AMN1: variants seen among roughly 807,000 people sequenced by gnomAD.
AMN1 encodes the protein protein AMN1 homolog.
A neutral mutation model predicts 33.0 loss-of-function variants in AMN1; 20 were observed. The ratio of observed to expected loss-of-function variants is 0.61; its 90% confidence interval spans 0.43 to 0.88. AMN1 has a LOEUF of 0.88. Among genes scored for constraint, AMN1 ranks in the 40% least tolerant of loss-of-function variants. The pLI, the probability that AMN1 is intolerant of heterozygous loss-of-function variation, is 0.00. For synonymous variants in AMN1, 114 were observed against 111.9 expected (o/e 1.02, Z -0.12); for missense variants, 246 against 307.4 (o/e 0.80, Z 1.49).
chr12:31,679,701 TTTGAATACTGTCAAACA>T (rs1381143845), intron 6 of AMN1, among the ~76,000 whole-genome samples: 1 of 152,218 alleles, frequency 6.6e-6, no homozygotes, highest in African/African-American at 2.4e-5. Flanking sequence ...CCTCCATGTC[TTTGAATACTGTCAAACA>T]TGCTTAGATA....
intron 3 of AMN1, among the ~76,000 whole-genome samples, chr12:31,698,980 G>A (rs1938859033): frequency 6.6e-6 from 1 of 152,050 alleles, no homozygotes; most frequent in Non-Finnish European, 1.5e-5. Context: ...TAAGGTTGGG[G>A]CCTGTCTCCA....
intron 6 of AMN1, chr12:31,672,721 C>A: frequency 5.5e-6 from 1 of 181,918 alleles, no homozygotes; most frequent in South Asian, 1.2e-4. Flanking sequence ...GGATCTTAGC[C>A]GGAAATAGAT....
chr12:31,725,618 T>C (rs1940032348), intron 1 of AMN1, among the ~76,000 whole-genome samples: 1 of 152,232 alleles, frequency 6.6e-6, no homozygotes. Flanking sequence ...AACTTAACCA[T>C]GGCTTCCTAT....
chr12:31,695,725 G>T (rs1938695312), intron 5 of AMN1, among the ~76,000 whole-genome samples: 2 of 151,566 alleles, frequency 1.3e-5, no homozygotes, highest in South Asian at 4.2e-4. Flanking sequence ...GGCCTCAGGT[G>T]ATCCACCTGT....
At chr12:31,688,912 G>T in intron 6 of AMN1, 95 bp downstream of exon 6, 1 of 690,960 alleles carries the variant, frequency 1.4e-6, no homozygotes, top group Admixed American at 3.0e-5. Flanking sequence ...TACAGATGAG[G>T]AAACTGAATA....
intron 6 of AMN1, among the ~76,000 whole-genome samples, chr12:31,675,632 T>C (rs543292277): frequency 6.6e-6 from 1 of 151,434 alleles, no homozygotes. Flanking sequence ...GTAGCTGGGA[T>C]TACAGGCGCC....
intron 2 of AMN1, 76 bp from the exon 3 acceptor site, chr12:31,702,083 G>T: frequency 7.5e-7 from 1 of 1,337,040 alleles, no homozygotes; most frequent in Non-Finnish European, 1.0e-6. Flanking sequence ...TCAGTGTTTT[G>T]GTGGTCATAA....
chr12:31,698,706 G>GAAT (rs1938845558), intron 3 of AMN1, among the ~76,000 whole-genome samples: 2 of 151,866 alleles, frequency 1.3e-5, no homozygotes, highest in African/African-American at 4.8e-5. Context: ...TCATGGGTAG[G>GAAT]TCATTTTTAC....
At chr12:31,703,333 G>C (rs1429354638) in intron 2 of AMN1, among the ~76,000 whole-genome samples, 1 of 152,200 alleles carries the variant, frequency 6.6e-6, no homozygotes, top group East Asian at 1.9e-4. Flanking sequence ...GGGTACATGT[G>C]CAGGTTAGTT....
chr12:31,678,767 G>C (rs7957209), intron 6 of AMN1, among the ~76,000 whole-genome samples: 2 of 152,208 alleles, frequency 1.3e-5, no homozygotes, highest in African/African-American at 2.4e-5. Flanking sequence ...GACATTTTTA[G>C]AGAACACACA....
intron 5 of AMN1, among the ~76,000 whole-genome samples, chr12:31,695,841 C>T (rs1938700150): frequency 6.6e-6 from 1 of 151,986 alleles, no homozygotes; most frequent in African/African-American, 2.4e-5. Context: ...TACCAAGACC[C>T]AGATATATAA....
Position 31,701,997 on chromosome 12 carries a change from G to A in AMN1, c.182C>T (p.Pro61Leu), listed in dbSNP as rs536067868. 13 of 1,594,958 alleles carry A rather than the reference G, an allele frequency of 8.2e-6. No individual in the cohort carries two copies. The highest frequency in any genetic ancestry group is 2.7e-5 in the African/African-American group (2 of 73,890). ...TDSNISEILH[P>L]EVQTLDLRSC... ...CCGTAGATCTAGAGTTTGGACTTCA[G>A]GATGTAAAATCTATAACAAATAAGT... Residue 61 changes from proline to leucine, a missense_variant, in exon 3 of 7, where the codon CCT becomes CTT. Transcript: ENST00000281471.
intron 1 of AMN1, among the ~76,000 whole-genome samples, chr12:31,720,921 TA>T (rs1030315320): frequency 6.6e-6 from 1 of 152,228 alleles, no homozygotes; most frequent in Non-Finnish European, 1.5e-5. Flanking sequence ...CAACTGGGTA[TA>T]GACTTAGAAG....
chr12:31,724,861 T>C lies in AMN1; in HGVS notation c.38+4110A>G, dbSNP rs1205044135. Among the ~76,000 whole-genome samples the C allele has an allele frequency of 3.3e-5, 5 of 152,180 alleles. No homozygotes were observed. The East Asian group carries it at 7.7e-4, about 23-fold the overall frequency. Reference sequence around the variant, plus strand: ...GGAGTTGGGACAGAAACAAATCAAATAGTTCTTAAAATTCTGGGAGGACTA... The same window carrying C: ...GGAGTTGGGACAGAAACAAATCAAACAGTTCTTAAAATTCTGGGAGGACTA... On this transcript the variant is annotated intron_variant, in intron 1 of 6. Coordinates refer to ENST00000281471, the MANE Select transcript of AMN1 (RefSeq NM_001113402.2).
At chr12:31,720,495 G>A (rs192271607) in intron 1 of AMN1, among the ~76,000 whole-genome samples, 19 of 151,478 alleles carry the variant, frequency 1.3e-4, no homozygotes, top group East Asian at 7.8e-4. Flanking sequence ...AGCTGAGATC[G>A]TGCCACTGCA....
In AMN1 at chr12:31,689,073, C is replaced by A; in HGVS notation, c.637G>T (p.Glu213Ter). 7 of 1,613,520 alleles carry A rather than the reference C, an allele frequency of 4.3e-6. No individual in the cohort carries two copies. The highest frequency in any genetic ancestry group is 5.9e-6 in the Non-Finnish European group (7 of 1,179,714). The change falls in exon 6 of 7, where the codon GAA (glutamate) becomes TAA (stop). Residue 213 changes from glutamate to a stop codon, truncating the protein, a stop_gained. Coordinates refer to ENST00000281471, the MANE Select transcript of AMN1 (RefSeq NM_001113402.2). LOFTEE classifies it high-confidence loss of function. ...TGAGGACAGTAAGTAAGGACAGCTT[C>A]GACAGCCCCATCAGTCAGATTTACA... The part of the protein sequence containing the change: ...HCVNLTDGAV[E>*]AVLTYCPQIR...
intron 1 of AMN1, among the ~76,000 whole-genome samples, chr12:31,728,259 G>A (rs1182762952): frequency 6.6e-6 from 1 of 152,146 alleles, no homozygotes; most frequent in Non-Finnish European, 1.5e-5. Context: ...AGACGCAATT[G>A]CCCTTGTAAC....
chr12:31,710,551 T>TACACACACACACACAC (rs112841301), intron 1 of AMN1, among the ~76,000 whole-genome samples: 3 of 147,426 alleles, frequency 2.0e-5, no homozygotes, highest in Non-Finnish European at 3.0e-5. Flanking sequence ...TCTGTTCTTG[T>TACACACACACACACAC]ACACACACAC....
chr12:31,724,539 A>G (rs1939991752), intron 1 of AMN1, among the ~76,000 whole-genome samples: 1 of 152,128 alleles, frequency 6.6e-6, no homozygotes, highest in African/African-American at 2.4e-5. Flanking sequence ...TAACATATAT[A>G]TATATTTTTT....
Sources: allele counts gnomAD v4.1 joint callset (sites outside exome capture counted in the v4.1 genomes callset), GRCh38; gene constraint gnomAD v4.1.1; transcripts MANE v1.5; gene names NCBI Gene and HGNC (gene_info 2026-07-23, HGNC 2026-07-21).